MACROD2: variants seen among roughly 807,000 people sequenced by gnomAD.
MACROD2 encodes the protein mono-ADP ribosylhydrolase 2.
Under a neutral mutation model 70.4 loss-of-function variants are expected in MACROD2, and 36 were observed. That is an observed-to-expected ratio of 0.51 (90% CI 0.39 to 0.68). The LOEUF is 0.68. MACROD2 is among the 30% of genes least tolerant of loss of function. The probability of loss-of-function intolerance (pLI) is 0.00; values close to 1 mark genes in which losing one functional copy is unlikely to be tolerated. For synonymous variants in MACROD2, 172 were observed against 178.8 expected, an observed-to-expected ratio of 0.96 and a Z score of 0.30; for missense variants, 496 against 538.4, an observed-to-expected ratio of 0.92 and a Z score of 0.78.
At chr20:15,979,779 A>G (rs974564762) in intron 13 of MACROD2, among the ~76,000 whole-genome samples, 7 of 152,164 alleles carry the variant, frequency 4.6e-5, no homozygotes, top group Non-Finnish European at 8.8e-5. Flanking sequence ...AACCATTACT[A>G]GATAATCAAC....
At chr20:15,370,615 A>C (rs2146261188) in intron 6 of MACROD2, among the ~76,000 whole-genome samples, 1 of 152,256 alleles carries the variant, frequency 6.6e-6, no homozygotes, top group Middle Eastern at 3.4e-3. Context: ...CAGTTGAAGA[A>C]GTAAATGGCA....
intron 5 of MACROD2, among the ~76,000 whole-genome samples, chr20:15,193,702 C>A (rs985283843): frequency 4.0e-5 from 6 of 151,878 alleles, no homozygotes; most frequent in African/African-American, 1.5e-4. Flanking sequence ...TGCCGTCTTG[C>A]ACGCTGGCTC....
At position 15,967,583 on chromosome 20, in the gene MACROD2, G is replaced by A; in HGVS notation, c.938G>A (p.Gly313Asp). ...DFAKDENITK[G>D]GEVTDHSVRD... ...GCAAAGGATGAAAATATTACAAAAG[G>A]CGGTGAAGTGACAGATCATTCTGTG... Residue 313 changes from glycine to aspartate, a missense_variant, in exon 13 of 18, where the codon GGC (glycine) becomes GAC (aspartate). By Grantham distance (94) the Gly-to-Asp change is moderately conservative. Coordinates refer to ENST00000684519, the MANE Select transcript of MACROD2 (RefSeq NM_001351661.2). The A allele has an allele frequency of 6.2e-7, 1 of 1,611,416 alleles. No homozygotes were observed. Among genetic ancestry groups the A allele is most frequent in the Non-Finnish European group, 8.5e-7 (1 of 1,178,974 alleles).
At chr20:15,093,132 G>A (rs748130018) in intron 5 of MACROD2, among the ~76,000 whole-genome samples, 1 of 152,072 alleles carries the variant, frequency 6.6e-6, no homozygotes, top group Non-Finnish European at 1.5e-5. Flanking sequence ...AAAAACAAAA[G>A]CGAAATAAAA....
At chr20:14,503,239 A>T (rs1458717349) in intron 4 of MACROD2, among the ~76,000 whole-genome samples, 1 of 152,200 alleles carries the variant, frequency 6.6e-6, no homozygotes, top group African/African-American at 2.4e-5. Context: ...GCAGAAGCTT[A>T]GAGTACACAA....
At chr20:13,997,801 T>A (rs546076020) in intron 1 of MACROD2, among the ~76,000 whole-genome samples, 1 of 152,152 alleles carries the variant, frequency 6.6e-6, no homozygotes, top group African/African-American at 2.4e-5. Context: ...TTAATGCATA[T>A]CTCAGTGTTT....
At chr20:15,296,000 GC>G (rs1296299345) in intron 6 of MACROD2, among the ~76,000 whole-genome samples, 5 of 152,176 alleles carry the variant, frequency 3.3e-5, no homozygotes, top group Non-Finnish European at 7.3e-5. Context: ...TCCCCAGCAA[GC>G]TTTTGTCTCC....
chr20:14,667,805 A>G (rs943369862), intron 4 of MACROD2, among the ~76,000 whole-genome samples: 1 of 152,160 alleles, frequency 6.6e-6, no homozygotes, highest in Admixed American at 6.6e-5. Context: ...TCCTATAGCC[A>G]CTGCCACTCA....
chr20:14,047,174 C>T (rs955653300), intron 2 of MACROD2, among the ~76,000 whole-genome samples: 3 of 151,976 alleles, frequency 2.0e-5, no homozygotes, highest in South Asian at 2.1e-4. Flanking sequence ...GGGCTGGGCG[C>T]GGTGGCTCAT....
intron 5 of MACROD2, among the ~76,000 whole-genome samples, chr20:14,813,559 T>C (rs2072740332): frequency 6.6e-6 from 1 of 152,092 alleles, no homozygotes; most frequent in South Asian, 2.1e-4. Flanking sequence ...CTGCATAGTA[T>C]TCCATGGTGT....
intron 11 of MACROD2, among the ~76,000 whole-genome samples, chr20:15,936,669 G>GTA (rs1568653268): frequency 3.0e-5 from 1 of 33,116 alleles, no homozygotes. Context: ...GTGTATATGT[G>GTA]TGTATATATA....
chr20:14,713,957 A>G (rs1779125261), intron 5 of MACROD2, among the ~76,000 whole-genome samples: 1 of 152,138 alleles, frequency 6.6e-6, no homozygotes, highest in African/African-American at 2.4e-5. Context: ...GAGGTGGGAG[A>G]TGAATTCAGG....
At chr20:15,977,671 T>C (rs575459726) in intron 13 of MACROD2, among the ~76,000 whole-genome samples, 1 of 152,322 alleles carries the variant, frequency 6.6e-6, no homozygotes, top group South Asian at 2.1e-4. Context: ...AAAATTTCTC[T>C]CTTAATCTGG....
intron 3 of MACROD2, among the ~76,000 whole-genome samples, chr20:14,416,044 C>T (rs758428172): frequency 2.0e-5 from 3 of 151,636 alleles, no homozygotes; most frequent in Non-Finnish European, 4.4e-5. Context: ...CTGCAACCTC[C>T]GACTCCCTGC....
At chr20:15,505,045 G>A (rs1198936961) in intron 8 of MACROD2, among the ~76,000 whole-genome samples, 5 of 152,214 alleles carry the variant, frequency 3.3e-5, no homozygotes, top group African/African-American at 1.2e-4. Context: ...CTGTTCTATT[G>A]TTCTACCCCA....
At chr20:14,625,181 G>T (rs1057051716) in intron 4 of MACROD2, among the ~76,000 whole-genome samples, 2 of 151,982 alleles carry the variant, frequency 1.3e-5, no homozygotes, top group African/African-American at 4.8e-5. Context: ...ACAATAATTA[G>T]CTAGGCATGG....
At chr20:15,622,076 AGGGGATG>A (rs974918987) in intron 8 of MACROD2, among the ~76,000 whole-genome samples, 37 of 152,218 alleles carry the variant, frequency 2.4e-4, no homozygotes, top group African/African-American at 8.9e-4. Context: ...GGGAAGGACC[AGGGGATG>A]GGGCGAGGCA....
At chr20:14,970,719 T>C (rs2074683014) in intron 5 of MACROD2, among the ~76,000 whole-genome samples, 1 of 152,170 alleles carries the variant, frequency 6.6e-6, no homozygotes. Context: ...GGTACAGTCA[T>C]GGCTCACTGC....
chr20:14,266,132 A>G (rs1213010715), intron 3 of MACROD2, among the ~76,000 whole-genome samples: 1 of 152,004 alleles, frequency 6.6e-6, no homozygotes, highest in Non-Finnish European at 1.5e-5. Context: ...TTTTCAGAAT[A>G]TTGTTTTTTC....
Sources: allele counts gnomAD v4.1 joint callset (sites outside exome capture counted in the v4.1 genomes callset), GRCh38; gene constraint gnomAD v4.1.1; transcripts MANE v1.5; gene names NCBI Gene and HGNC (gene_info 2026-07-23, HGNC 2026-07-21).